Variants in FAM72B observed in about 807,000 individuals in gnomAD.
FAM72B encodes the protein protein FAM72B.
In FAM72B, 4 loss-of-function variants were observed where a neutral mutation model predicts 12.6. The ratio of observed to expected loss-of-function variants is 0.32; its 90% CI spans 0.16 to 0.73. The LOEUF (loss-of-function observed/expected upper bound fraction) is 0.73. Ranked by LOEUF, FAM72B falls within the 30% of genes least tolerant of loss-of-function variation. FAM72B has a pLI of 0.67. For synonymous variants in FAM72B, 13 were observed against 53.9 expected, an observed-to-expected ratio of 0.24 and a Z score of 3.32; for missense variants, 61 against 158.4, an observed-to-expected ratio of 0.39 and a Z score of 3.30.
intron 2 of FAM72B, among the ~76,000 whole-genome samples, chr1:121,180,621 AAGCTGAGGAG>A (rs1654313542): frequency 6.6e-6 from 1 of 151,486 alleles, no homozygotes; most frequent in Non-Finnish European, 1.5e-5. Context: ...GCCTTTTGGG[AAGCTGAGGAG>A]AGAGGATCAC....
rs1654029468 is a variant in FAM72B, at chr1:121,168,864, A to G, written c.356-29T>C. ...AAAATAAAAAATCATAAAATTCTTTAATGCTTACTACTGTTATAACTCAGA... is the reference window on the plus strand; with the variant it reads ...AAAATAAAAAATCATAAAATTCTTTGATGCTTACTACTGTTATAACTCAGA... On this transcript the variant is annotated intron_variant, in intron 3 of 3. Coordinates refer to ENST00000369390, the MANE Select transcript of FAM72B (RefSeq NM_001100910.2). The G allele has an allele frequency of 3.1e-6, 5 of 1,596,820 alleles. No individual in the cohort carries two copies. In the East Asian group the frequency reaches 1.1e-4, roughly 36 times the overall value.
intron 3 of FAM72B, among the ~76,000 whole-genome samples, chr1:121,176,750 T>C (rs1570681887): frequency 2.6e-5 from 4 of 151,842 alleles, no homozygotes; most frequent in African/African-American, 7.3e-5. Flanking sequence ...AACATAGATG[T>C]CGAAATGTCT....
Position 121,168,776 on chromosome 1 carries a change from C to G in FAM72B, c.415G>C (p.Val139Leu), listed in dbSNP as rs782083122. 3.7e-6 allele frequency: 6 copies of G among 1,604,692 alleles called. No homozygotes were observed. Among genetic ancestry groups the G allele is most frequent in the Non-Finnish European group, 5.1e-6 (6 of 1,177,714 alleles). The change falls in exon 4 of 4, where the codon GTG (valine) becomes CTG (leucine). Residue 139 changes from valine to leucine, a missense_variant. Coordinates refer to ENST00000369390, the MANE Select transcript of FAM72B (RefSeq NM_001100910.2). ...PEIEESTDED[V>L]LNISAEECIR is the part of the protein sequence containing the mutation. ...CACTCCTCTGCTGAGATATTTAACA[C>G]ATCTTCATCTGTACTCTCTTCTATC...
In FAM72B at chr1:121,183,615, T is replaced by C. The variant is rs587606817; in HGVS notation, c.-126A>G. The C allele has an allele frequency of 6.4e-7, 1 of 1,574,016 alleles. No homozygotes were observed. Among genetic ancestry groups the C allele is most frequent in the Admixed American group, 2.0e-5 (1 of 50,358 alleles). On this transcript the variant is annotated 5_prime_UTR_variant, in exon 1 of 4. Transcript: ENST00000369390. ...CTAGAGCTTTTCTAAGTCCTAATAT[T>C]GGGAAGGAAATTAGTTTTTTTTTTC...
At chr1:121,174,352 G>T (rs1276918217) in intron 3 of FAM72B, among the ~76,000 whole-genome samples, 1 of 150,938 alleles carries the variant, frequency 6.6e-6, no homozygotes, top group African/African-American at 2.4e-5. Context: ...CTAAACAACA[G>T]ATTTTTCTTT....
At chr1:121,168,897 T>A in intron 3 of FAM72B, 62 bp from the exon 4 acceptor site, 1 of 1,238,764 alleles carries the variant, frequency 8.1e-7, no homozygotes, top group Non-Finnish European at 1.1e-6. Flanking sequence ...AGAACACAAA[T>A]TACGAAACTT....
At chr1:121,172,666 G>A (rs1402223634) in intron 3 of FAM72B, among the ~76,000 whole-genome samples, 2 of 142,930 alleles carry the variant, frequency 1.4e-5, no homozygotes, top group East Asian at 2.0e-4. Flanking sequence ...AGAAGGCTGA[G>A]GCAGGAGAAT....
chr1:121,181,435 TAAC>T (rs1175155132), intron 1 of FAM72B, 87 bp from the exon 2 acceptor site: 4 of 615,732 alleles, frequency 6.5e-6, no homozygotes, highest in African/African-American at 3.8e-5. Flanking sequence ...TTTACCAACT[TAAC>T]AAGTTTTATG....
Position 121,168,601 on chromosome 1 carries a change from G to A in FAM72B, c.*140C>T. 1 of 984,546 alleles carries A rather than the reference G, an allele frequency of 1.0e-6. No homozygotes were observed. Among genetic ancestry groups the A allele is most frequent in the South Asian group, 2.2e-5 (1 of 46,050 alleles). The allele number at this position is 984,546 out of a possible 1,614,324, so 61.0% of individuals were successfully genotyped here. A position where few individuals can be genotyped will look rare whatever the true frequency, so the allele number is the denominator to read the frequency against. On this transcript the variant is annotated 3_prime_UTR_variant, in exon 4 of 4. Coordinates refer to ENST00000369390, the MANE Select transcript of FAM72B (RefSeq NM_001100910.2). ...AATCAAACTGAGGTAACTAATTAGA[G>A]ACGGAAAATAAATAAATCAACAAAT... is the stretch of plus-strand genomic sequence containing the variant.
At chr1:121,178,686 C>A (rs1413659868) in intron 2 of FAM72B, among the ~76,000 whole-genome samples, 25 of 151,868 alleles carry the variant, frequency 1.6e-4, no homozygotes, top group African/African-American at 5.6e-4. Flanking sequence ...GCTCTAGGTG[C>A]TAGGAATACA....
At chr1:121,169,097 G>A (rs1570677317) in intron 3 of FAM72B, among the ~76,000 whole-genome samples, 1 of 148,952 alleles carries the variant, frequency 6.7e-6, no homozygotes. Flanking sequence ...CACAATCACA[G>A]ATCACTGCAG....
chr1:121,171,452 T>C (rs1416388222), intron 3 of FAM72B, among the ~76,000 whole-genome samples: 1 of 139,470 alleles, frequency 7.2e-6, no homozygotes, highest in Non-Finnish European at 1.6e-5. Flanking sequence ...AGATTGGATC[T>C]GACAGAAGCA....
chr1:121,174,421 G>A (rs1336081717), intron 3 of FAM72B, among the ~76,000 whole-genome samples: 3 of 141,338 alleles, frequency 2.1e-5, no homozygotes, highest in African/African-American at 8.0e-5. Flanking sequence ...AGGCTGGAGT[G>A]CAATGGCGTG....
rs587721139 is a variant in FAM72B at position 121,178,700 on chromosome 1, G to A, written c.231-1368C>T. Among the ~76,000 whole-genome samples the A allele has an allele frequency of 1.2e-4, 18 of 151,992 alleles. 1 individual carries two copies. Among genetic ancestry groups the A allele is most frequent in the African/African-American group, 4.3e-4 (18 of 41,454 alleles). On this transcript the variant is annotated intron_variant, in intron 2 of 3. Coordinates refer to ENST00000369390, the MANE Select transcript of FAM72B (RefSeq NM_001100910.2). ...TGCTCTAGGTGCTAGGAATACACTG[G>A]TAAACAAAACAAAGCCCTTGTTCTC... is the stretch of plus-strand genomic sequence containing the variant.
At chr1:121,180,328 G>A (rs1195389714) in intron 2 of FAM72B, among the ~76,000 whole-genome samples, 1 of 103,312 alleles carries the variant, frequency 9.7e-6, no homozygotes, top group Non-Finnish European at 1.8e-5. Context: ...GATCACCTGA[G>A]GTTGGGAGTT....
chr1:121,173,184 A>AT (rs199877959), intron 3 of FAM72B, among the ~76,000 whole-genome samples: 1,340 of 125,478 alleles, frequency 0.011, 34 homozygotes, highest in African/African-American at 0.034. Flanking sequence ...TACTAAAATA[A>AT]TTTTTTTTTT....
chr1:121,170,214 C>T (rs1221270686), intron 3 of FAM72B, among the ~76,000 whole-genome samples: 9 of 145,452 alleles, frequency 6.2e-5, no homozygotes, highest in Non-Finnish European at 1.4e-4. Context: ...CAGGTGATCC[C>T]CCTCGCCTCG....
In FAM72B at chr1:121,180,466, T is replaced by C. The variant is rs1442255896; in HGVS notation, c.230+805A>G. On this transcript the variant is annotated intron_variant, in intron 2 of 3. Coordinates refer to ENST00000369390, the MANE Select transcript of FAM72B (RefSeq NM_001100910.2). ...CAGGAGGCTGAGGCAGGAGAATCAC[T>C]TGAACCTGGGAGGTGGAGGTTGTGG... Among the ~76,000 whole-genome samples the C allele has an allele frequency of 3.9e-5, 5 of 128,186 alleles. No individual in the cohort carries two copies. In the East Asian group the frequency reaches 1.1e-3, roughly 28 times the overall value. 84.1% of individuals were successfully genotyped at this position (128,186 alleles called of 152,430 possible). A position where few individuals can be genotyped will look rare whatever the true frequency, so the allele number is the denominator to read the frequency against.
intron 2 of FAM72B, among the ~76,000 whole-genome samples, chr1:121,180,503 C>A (rs1452343175): frequency 3.1e-4 from 35 of 114,006 alleles, no homozygotes; most frequent in Non-Finnish European, 4.5e-4. Context: ...GAGCTTAGAT[C>A]GCGCCATTGC....
Sources: allele counts gnomAD v4.1 joint callset (sites outside exome capture counted in the v4.1 genomes callset), GRCh38; gene constraint gnomAD v4.1.1; transcripts MANE v1.5; gene names NCBI Gene and HGNC (gene_info 2026-07-23, HGNC 2026-07-21).